FBN1: variants seen among roughly 807,000 people sequenced by gnomAD.
FBN1 encodes fibrillin 1, also known as fibrillin-1.
In FBN1, 29 loss-of-function variants were observed where a neutral mutation model predicts 365.1. That is an observed-to-expected ratio of 0.08 (90% CI 0.06 to 0.11). The LOEUF (loss-of-function observed/expected upper bound fraction) is 0.11, where lower values mean the gene tolerates loss of function less well. Ranked by LOEUF, FBN1 falls within the 10% of genes least tolerant of loss-of-function variation. The pLI is 1.00. For synonymous variants in FBN1, 1,210 were observed against 1,270.5 expected (o/e 0.95, Z 1.01); for missense variants, 2,476 against 3,703.2 (o/e 0.67, Z 8.60).
intron 46 of FBN1, 134 bp downstream of exon 46, chr15:48,448,634 A>T: frequency 1.3e-6 from 1 of 762,420 alleles, no homozygotes; most frequent in Non-Finnish European, 2.1e-6. Flanking sequence ...TCACTGCTGC[A>T]TATCTGTCTG....
In FBN1 at chr15:48,600,231, T is replaced by C. The variant is rs777826174; in HGVS notation, c.350A>G (p.Gln117Arg). Reference sequence around the variant, plus strand: ...ATTCATACAGCGAATATTGCAGTGTTGTACTTGAAAAAAAAGAAGAAGAAT... The same window carrying C: ...ATTCATACAGCGAATATTGCAGTGTCGTACTTGAAAAAAAAGAAGAAGAAT... ...IAPSCGSRSI[Q>R]HCNIRCMNGG... The change falls in exon 5 of 66, where the codon CAA becomes CGA. Residue 117 changes from glutamine to arginine, a missense_variant. This residue lies in a region of FBN1 where 421 missense variants were observed against 520.1 expected (regional missense o/e 0.81). Coordinates refer to ENST00000316623, the MANE Select transcript of FBN1 (RefSeq NM_000138.5). The C allele has an allele frequency of 3.7e-5, 60 of 1,612,758 alleles. No individual in the cohort carries two copies. The highest frequency in any genetic ancestry group is 4.8e-5 in the Non-Finnish European group (57 of 1,179,018).
intron 32 of FBN1, among the ~76,000 whole-genome samples, chr15:48,480,622 T>C (rs2043458634): frequency 6.6e-6 from 1 of 152,174 alleles, no homozygotes; most frequent in Non-Finnish European, 1.5e-5. Flanking sequence ...TGAAATAGCA[T>C]TATTGGCCAG....
chr15:48,511,258 A>AC (rs2043756637), intron 13 of FBN1, among the ~76,000 whole-genome samples: 1 of 152,182 alleles, frequency 6.6e-6, no homozygotes. Context: ...TGGTTTCCAC[A>AC]CAAGTCATTG....
At chr15:48,418,250 G>A (rs1282264332) in intron 63 of FBN1, among the ~76,000 whole-genome samples, 1 of 152,166 alleles carries the variant, frequency 6.6e-6, no homozygotes, top group African/African-American at 2.4e-5. Context: ...GTTAGAGAAG[G>A]ATTTATATAT....
intron 35 of FBN1, 36 bp from the exon 36 acceptor site, chr15:48,470,792 T>A (rs575820167): frequency 1.9e-6 from 3 of 1,604,288 alleles, no homozygotes; most frequent in Admixed American, 3.4e-5. Context: ...AAAACTTAAC[T>A]TATATTTTTC....
intron 40 of FBN1, 87 bp from the exon 41 acceptor site, chr15:48,464,108 G>T: frequency 7.8e-7 from 1 of 1,287,336 alleles, no homozygotes; most frequent in Non-Finnish European, 1.1e-6. Context: ...GACATTAGAG[G>T]AGAAAATCTA....
chr15:48,494,168 C>T, intron 23 of FBN1, 36 bp downstream of exon 23: 1 of 1,539,858 alleles, frequency 6.5e-7, no homozygotes. Flanking sequence ...TCATTATGCA[C>T]ACAAAAATGT....
intron 6 of FBN1, among the ~76,000 whole-genome samples, chr15:48,553,111 G>A (rs2044155493): frequency 6.6e-6 from 1 of 152,046 alleles, no homozygotes; most frequent in South Asian, 2.1e-4. Flanking sequence ...TGTAAGATAC[G>A]TTCTATTTTT....
chr15:48,435,778 G>GTATATATATGTATATA (rs1299471206), intron 53 of FBN1, among the ~76,000 whole-genome samples: 9,865 of 137,730 alleles, frequency 0.072, 943 homozygotes, highest in East Asian at 0.15. Context: ...GTATATGTGT[G>GTATATATATGTATATA]TGTGTGTGTG....
At chr15:48,491,611 G>T (rs1421064916) in intron 24 of FBN1, among the ~76,000 whole-genome samples, 1 of 152,082 alleles carries the variant, frequency 6.6e-6, no homozygotes, top group Non-Finnish European at 1.5e-5. Flanking sequence ...TCGGCCTCCC[G>T]AAGTGCTGGG....
At chr15:48,602,331 T>G (rs1311677504) in intron 4 of FBN1, among the ~76,000 whole-genome samples, 1 of 152,206 alleles carries the variant, frequency 6.6e-6, no homozygotes, top group Non-Finnish European at 1.5e-5. Flanking sequence ...TTTACTTATT[T>G]TGCCCCATCT....
intron 6 of FBN1, among the ~76,000 whole-genome samples, chr15:48,548,077 G>C (rs540563924): frequency 3.7e-4 from 57 of 152,174 alleles, no homozygotes; most frequent in Non-Finnish European, 7.2e-4. Context: ...ATCAGTACGT[G>C]CTCAGATATC....
chr15:48,488,081 T>C (rs1449247817), intron 27 of FBN1, 32 bp downstream of exon 27: 3 of 1,614,132 alleles, frequency 1.9e-6, no homozygotes, highest in Admixed American at 3.3e-5. Flanking sequence ...AATCCTTCTC[T>C]TTCTGTGTTG....
intron 65 of FBN1, among the ~76,000 whole-genome samples, chr15:48,411,997 T>A (rs1188491688): frequency 6.6e-6 from 1 of 152,240 alleles, no homozygotes; most frequent in Admixed American, 6.5e-5. Flanking sequence ...CCTGGCTTCT[T>A]ACTTGCCTCT....
chr15:48,514,622 A>C (rs957339726), intron 12 of FBN1, among the ~76,000 whole-genome samples: 5 of 152,172 alleles, frequency 3.3e-5, no homozygotes, highest in African/African-American at 1.2e-4. Context: ...CCTCATCAGC[A>C]ATTTAAACTT....
At chr15:48,425,922 G>A in intron 58 of FBN1, 58 bp from the exon 59 acceptor site, 2 of 1,361,404 alleles carry the variant, frequency 1.5e-6, no homozygotes, top group Non-Finnish European at 2.1e-6. Flanking sequence ...ACATTAATAT[G>A]TAGGGGGTCA....
intron 37 of FBN1, 133 bp from the exon 38 acceptor site, chr15:48,468,235 A>C: frequency 7.4e-7 from 1 of 1,346,936 alleles, no homozygotes; most frequent in Non-Finnish European, 1.0e-6. Context: ...GCCCATGAAC[A>C]TTATACACTA....
chr15:48,634,029 C>CT (rs1422031672), intron 2 of FBN1, among the ~76,000 whole-genome samples: 1 of 152,114 alleles, frequency 6.6e-6, no homozygotes, highest in Non-Finnish European at 1.5e-5. Flanking sequence ...GATGGATGGT[C>CT]TGGCTATGGA....
chr15:48,483,191 G>C (rs2043478954), intron 31 of FBN1, among the ~76,000 whole-genome samples: 1 of 152,176 alleles, frequency 6.6e-6, no homozygotes. Context: ...GCAGATGACA[G>C]AATTAGGAGA....
Sources: allele counts gnomAD v4.1 joint callset (sites outside exome capture counted in the v4.1 genomes callset), GRCh38; gene constraint gnomAD v4.1.1; regional missense constraint gnomAD v4.1.1; transcripts MANE v1.5; gene names NCBI Gene and HGNC (gene_info 2026-07-23, HGNC 2026-07-21).